Variants in NR2C2 observed in about 807,000 individuals in gnomAD.
NR2C2 encodes the protein Nuclear hormone receptor TR4.
In NR2C2, 6 loss-of-function variants were observed where a neutral mutation model predicts 62.9. The ratio of observed to expected loss-of-function variants is 0.10; its 90% confidence interval spans 0.05 to 0.19. The LOEUF (loss-of-function observed/expected upper bound fraction) is 0.19. NR2C2 is among the 10% of genes least tolerant of loss of function. The probability of loss-of-function intolerance (pLI) is 1.00; values close to 1 mark genes in which losing one functional copy is unlikely to be tolerated. For synonymous variants in NR2C2, 272 were observed against 273.8 expected (o/e 0.99, Z 0.07); for missense variants, 479 against 762.7 (o/e 0.63, Z 4.38).
At chr3:15,033,469 GAA>G (rs2042029179) in intron 10 of NR2C2, among the ~76,000 whole-genome samples, 1 of 152,076 alleles carries the variant, frequency 6.6e-6, no homozygotes, top group Non-Finnish European at 1.5e-5. Context: ...GTAGTTGTTA[GAA>G]TGGTCACCTC....
rs547409840 is a variant in NR2C2, at chr3:15,046,964, C to T, written c.*3956C>T. ...GGGTCTGGACCTTCTCATTGTGTGC[C>T]TCCCACCAGCGTGCACTTCGTATGT... On this transcript the variant is annotated 3_prime_UTR_variant, in exon 14 of 14. Transcript: ENST00000425241. 2.0e-5 allele frequency: 3 copies of T among 152,736 alleles called. No homozygotes were observed. The East Asian group carries it at 5.8e-4, about 29-fold the overall frequency. 9.5% of individuals were successfully genotyped at this position (152,736 alleles called of 1,614,324 possible). A position where few individuals can be genotyped will look rare whatever the true frequency, so the allele number is the denominator to read the frequency against.
intron 1 of NR2C2, among the ~76,000 whole-genome samples, chr3:14,977,090 TC>T (rs1026916000): frequency 6.6e-6 from 1 of 152,196 alleles, no homozygotes; most frequent in Non-Finnish European, 1.5e-5. Context: ...TAGTCTCTTT[TC>T]AGAACAACTA....
chr3:15,017,071 C>A (rs1340498245), intron 4 of NR2C2, among the ~76,000 whole-genome samples: 1 of 152,164 alleles, frequency 6.6e-6, no homozygotes, highest in Admixed American at 6.5e-5. Context: ...CTTCTGTGGT[C>A]ACAAAATTCA....
In NR2C2 at chr3:15,028,730, A is replaced by C; in HGVS notation, c.932+11A>C. On this transcript the variant is annotated intron_variant, in intron 8 of 13. Transcript: ENST00000425241. ...AAGTGAGATAACTCGGTACGAGCCC[A>C]TGAGGATGGAGTCTCCCCTCCTCGC... is the stretch of plus-strand genomic sequence containing the variant. 1 of 1,612,776 alleles carries C rather than the reference A, an allele frequency of 6.2e-7. No individual in the cohort carries two copies. Among genetic ancestry groups the C allele is most frequent in the South Asian group, 1.1e-5 (1 of 90,998 alleles).
At chr3:14,990,706 GA>G (rs1559549494) in intron 1 of NR2C2, among the ~76,000 whole-genome samples, 1 of 152,168 alleles carries the variant, frequency 6.6e-6, no homozygotes, top group South Asian at 2.1e-4. Flanking sequence ...GTGTCCTAAA[GA>G]AAACAAGACT....
chr3:14,951,561 T>G (rs2039357370), intron 1 of NR2C2, among the ~76,000 whole-genome samples: 1 of 152,190 alleles, frequency 6.6e-6, no homozygotes. Flanking sequence ...AGCTAATTAC[T>G]CAGGGTAACC....
intron 13 of NR2C2, chr3:15,042,629 G>C (rs757658770): frequency 7.3e-6 from 4 of 545,136 alleles, no homozygotes; most frequent in African/African-American, 1.9e-5. Context: ...GAACACATCT[G>C]TACATACATT....
intron 13 of NR2C2, 44 bp downstream of exon 13, chr3:15,039,271 A>G: frequency 7.8e-7 from 1 of 1,275,430 alleles, no homozygotes; most frequent in Non-Finnish European, 1.1e-6. Context: ...GGCTGCAAGG[A>G]GTGTGGCTGA....
chr3:15,038,177 G>GTTCTT (rs2042156943), intron 12 of NR2C2, 40 bp downstream of exon 12: 1 of 1,572,346 alleles, frequency 6.4e-7, no homozygotes, highest in African/African-American at 1.4e-5. Context: ...CTTTCCACCT[G>GTTCTT]TATCTACTGA....
chr3:14,979,581 A>G (rs1269274597), intron 1 of NR2C2, among the ~76,000 whole-genome samples: 1 of 152,192 alleles, frequency 6.6e-6, no homozygotes, highest in Non-Finnish European at 1.5e-5. Flanking sequence ...TGAGGGCAAC[A>G]TTTAAACAGA....
At chr3:15,000,498 A>C (rs1282425190) in intron 1 of NR2C2, among the ~76,000 whole-genome samples, 1 of 152,222 alleles carries the variant, frequency 6.6e-6, no homozygotes. Context: ...ACATCTCTTC[A>C]ACAAACTGAT....
chr3:15,011,990 C>T (rs6779702), intron 2 of NR2C2, among the ~76,000 whole-genome samples: 2,945 of 152,294 alleles, frequency 0.019, 94 homozygotes, highest in African/African-American at 0.067. Context: ...CTGCTTCCCC[C>T]AATAGAAGTT....
Position 15,024,178 on chromosome 3 carries a change from T to G in NR2C2, c.768T>G (p.Asp256Glu). Residue 256 changes from aspartate (D) to glutamate (E), a missense_variant, in exon 7 of 14, where the codon GAT (aspartate) becomes GAG (glutamate). Physicochemically the swap from Asp to Glu is conservative, Grantham distance 45. Around this residue, in one of 4 missense-constraint regions of NR2C2, gnomAD observed 151 missense variants for 176.1 expected, o/e 0.86. Transcript: ENST00000425241. Reference protein sequence around the residue: ...VNIQQPLIREDGTVLLATDSK... With the variant: ...VNIQQPLIREEGTVLLATDSK... ...TCCAGCAGCCTTTGATACGTGAGGA[T>G]GGTACAGTTCTCCTGGCCACGGATT... The G allele has an allele frequency of 6.2e-7, 1 of 1,612,472 alleles. No individual in the cohort carries two copies. The highest frequency in any genetic ancestry group is 8.5e-7 in the Non-Finnish European group (1 of 1,179,268).
chr3:14,974,064 T>C (rs2040130234), intron 1 of NR2C2, among the ~76,000 whole-genome samples: 1 of 152,214 alleles, frequency 6.6e-6, no homozygotes, highest in African/African-American at 2.4e-5. Context: ...TTGCTAAAAC[T>C]GAAACTCTAT....
At chr3:14,980,317 TA>T (rs748246980) in intron 1 of NR2C2, among the ~76,000 whole-genome samples, 1,676 of 135,950 alleles carry the variant, frequency 0.012, 14 homozygotes, top group African/African-American at 0.029. Flanking sequence ...CCCAGCTAAT[TA>T]AAAAAAAAAA....
rs556666720 is a variant in NR2C2 at position 15,020,766 on chromosome 3, G to A, written c.390G>A (p.Gly130=). The part of the protein sequence containing the change: ...CGDKASGRHY[G]AVSCEGCKGF... Reference sequence around the variant, plus strand: ...CTCCTGTTTCAGGCCGTCACTATGGGGCTGTCAGTTGTGAAGGTTGCAAAG... The same window carrying A: ...CTCCTGTTTCAGGCCGTCACTATGGAGCTGTCAGTTGTGAAGGTTGCAAAG... The change falls in exon 5 of 14, where the codon GGG becomes GGA. Residue 130 remains glycine, a synonymous_variant. Coordinates refer to ENST00000425241, the MANE Select transcript of NR2C2 (RefSeq NM_001291694.2). 1.2e-6 allele frequency: 2 copies of A among 1,614,076 alleles called. No homozygotes were observed. Among genetic ancestry groups the A allele is most frequent in the South Asian group, 2.2e-5 (2 of 91,078 alleles).
rs3821641 is a variant in NR2C2, at chr3:15,034,848, T to G, written c.1372+39T>G. The G allele has an allele frequency of 3.7e-4, 587 of 1,567,442 alleles. 10 individuals are homozygous for G. In the East Asian group the frequency reaches 0.013, roughly 36 times the overall value. On this transcript the variant is annotated intron_variant, in intron 11 of 13. Coordinates refer to ENST00000425241, the MANE Select transcript of NR2C2 (RefSeq NM_001291694.2). Reference sequence around the variant, plus strand: ...ACTTGGGGCTGGGGTGTGTCTTGGTTCAGCCTGGTGGCCATGGAGCAGAGC... The same window carrying G: ...ACTTGGGGCTGGGGTGTGTCTTGGTGCAGCCTGGTGGCCATGGAGCAGAGC...
intron 1 of NR2C2, chr3:14,959,258 C>T (rs995571156): frequency 6.6e-6 from 1 of 152,134 alleles, no homozygotes; most frequent in Non-Finnish European, 1.5e-5. Context: ...TAAATGTCCA[C>T]GCTGCCCCAC....
intron 2 of NR2C2, among the ~76,000 whole-genome samples, chr3:15,012,170 T>A (rs2041373576): frequency 6.6e-6 from 1 of 152,220 alleles, no homozygotes; most frequent in Non-Finnish European, 1.5e-5. Flanking sequence ...CGTATTGCAG[T>A]TAGCCAAGCT....
Sources: allele counts gnomAD v4.1 joint callset (sites outside exome capture counted in the v4.1 genomes callset), GRCh38; gene constraint gnomAD v4.1.1; regional missense constraint gnomAD v4.1.1; transcripts MANE v1.5; gene names NCBI Gene and HGNC (gene_info 2026-07-23, HGNC 2026-07-21).